The following EEA1 variants were observed in gnomAD, a reference collection of about 807,000 sequenced individuals.
EEA1 encodes early endosome antigen 1, 162kD.
In EEA1, 111 loss-of-function variants were observed where a neutral mutation model predicts 209.2. That is an observed-to-expected ratio of 0.53 (90% CI 0.45 to 0.62). The LOEUF (loss-of-function observed/expected upper bound fraction) is 0.62. Among genes scored for constraint, EEA1 ranks in the 20% least tolerant of loss-of-function variants. EEA1 has a pLI of 0.00. For synonymous variants in EEA1, 536 were observed against 540.6 expected (o/e 0.99, Z 0.12); for missense variants, 1,343 against 1,530.8 (o/e 0.88, Z 2.05).
At chr12:92,800,067 C>T (rs944873766) in intron 20 of EEA1, among the ~76,000 whole-genome samples, 1 of 150,714 alleles carries the variant, frequency 6.6e-6, no homozygotes, top group South Asian at 2.1e-4. Flanking sequence ...ACTAAAAATA[C>T]AAAAATTAGC....
At chr12:92,839,784 T>A (rs898179725) in intron 10 of EEA1, among the ~76,000 whole-genome samples, 1 of 152,234 alleles carries the variant, frequency 6.6e-6, no homozygotes, top group Non-Finnish European at 1.5e-5. Flanking sequence ...TTGGAGTCCT[T>A]AATCATTTTG....
intron 11 of EEA1, among the ~76,000 whole-genome samples, chr12:92,828,934 C>T (rs1876465691): frequency 6.6e-6 from 1 of 152,106 alleles, no homozygotes; most frequent in Non-Finnish European, 1.5e-5. Flanking sequence ...TTAAAAATTA[C>T]AACAGCTGAA....
chr12:92,876,234 G>C (rs1878876456), intron 2 of EEA1, among the ~76,000 whole-genome samples: 1 of 151,722 alleles, frequency 6.6e-6, no homozygotes, highest in Non-Finnish European at 1.5e-5. Context: ...CACCACTCCT[G>C]GCTAATTTTC....
At chr12:92,782,640 G>C (rs1224216996) in intron 22 of EEA1, among the ~76,000 whole-genome samples, 1 of 152,222 alleles carries the variant, frequency 6.6e-6, no homozygotes, top group Non-Finnish European at 1.5e-5. Flanking sequence ...ATAGTATGGT[G>C]TTATGATATA....
chr12:92,832,019 G>A lies in EEA1; in HGVS notation c.1254+493C>T, dbSNP rs1432479540. On this transcript the variant is annotated intron_variant, in intron 11 of 28. Coordinates refer to ENST00000322349, the MANE Select transcript of EEA1 (RefSeq NM_003566.4). ...GGAGAATGGCGTGAACCCGGGAAGC[G>A]GAGCTTGCAGTGAGCCGAGATTGCG... 1.1e-4 allele frequency among the ~76,000 whole-genome samples: 17 copies of A among 151,032 alleles called. No homozygotes were observed. In the South Asian group the frequency reaches 1.9e-3, roughly 17 times the overall value.
intron 2 of EEA1, among the ~76,000 whole-genome samples, chr12:92,882,421 T>C (rs10745624): frequency 0.46 from 69,804 of 151,344 alleles, 17,287 homozygotes; most frequent in East Asian, 0.89. Flanking sequence ...TTTTTTTTTT[T>C]CCACTTTTAT....
At chr12:92,871,255 C>A (rs1338174880) in intron 2 of EEA1, among the ~76,000 whole-genome samples, 1 of 152,168 alleles carries the variant, frequency 6.6e-6, no homozygotes, top group East Asian at 1.9e-4. Context: ...CCAAGAGCCT[C>A]TTTTCCTTAT....
Position 92,830,146 on chromosome 12 carries a change from A to G in EEA1, c.1255-2085T>C, listed in dbSNP as rs571257575. Among the ~76,000 whole-genome samples, 257 of 152,172 alleles carry G rather than the reference A, an allele frequency of 1.7e-3. 2 individuals are homozygous for G. The highest frequency in any genetic ancestry group is 1.9e-3 in the Non-Finnish European group (131 of 68,006). On this transcript the variant is annotated intron_variant, in intron 11 of 28. Coordinates refer to ENST00000322349, the MANE Select transcript of EEA1 (RefSeq NM_003566.4). ...AAGAAATCTGCACTTTTACCCCCTAAATATATTTTTTAAATTTTTTCAAAT... is the reference window on the plus strand; with the variant it reads ...AAGAAATCTGCACTTTTACCCCCTAGATATATTTTTTAAATTTTTTCAAAT...
At chr12:92,821,324 C>T (rs1422364796) in intron 13 of EEA1, among the ~76,000 whole-genome samples, 1 of 152,148 alleles carries the variant, frequency 6.6e-6, no homozygotes, top group Non-Finnish European at 1.5e-5. Context: ...TTCTGTTATT[C>T]AATGTCAGAG....
chr12:92,807,117 C>A (rs1024089721), intron 18 of EEA1, among the ~76,000 whole-genome samples: 1 of 151,948 alleles, frequency 6.6e-6, no homozygotes, highest in Non-Finnish European at 1.5e-5. Flanking sequence ...CCATCCCCTG[C>A]TGATTTTTGT....
intron 1 of EEA1, among the ~76,000 whole-genome samples, chr12:92,914,451 T>C (rs1880689793): frequency 1.3e-5 from 2 of 152,140 alleles, no homozygotes; most frequent in South Asian, 4.1e-4. Flanking sequence ...GCTTTGGTTA[T>C]TCGCTCTCTT....
intron 2 of EEA1, chr12:92,884,043 C>T: frequency 4.4e-6 from 6 of 1,371,772 alleles, no homozygotes; most frequent in Middle Eastern, 4.8e-4. Flanking sequence ...AGAGAGCTGT[C>T]TCAAGAGAAG....
chr12:92,784,174 C>T (rs1359980809), intron 22 of EEA1, among the ~76,000 whole-genome samples: 1 of 152,126 alleles, frequency 6.6e-6, no homozygotes, highest in Admixed American at 6.5e-5. Flanking sequence ...CAGGAGGGTA[C>T]AAGCTGGTCT....
At chr12:92,919,614 T>C (rs1361850855) in intron 1 of EEA1, among the ~76,000 whole-genome samples, 3 of 150,048 alleles carry the variant, frequency 2.0e-5, no homozygotes, top group East Asian at 2.0e-4. Context: ...ATAAGAGCTA[T>C]ATATGACAAA....
intron 10 of EEA1, chr12:92,835,369 T>G (rs998177528): frequency 1.8e-5 from 6 of 326,578 alleles, no homozygotes; most frequent in African/African-American, 1.1e-4. Context: ...AATCCCACCT[T>G]TCTATATACA....
intron 3 of EEA1, among the ~76,000 whole-genome samples, 193 bp from the exon 4 acceptor site, chr12:92,857,678 T>C (rs961078668): frequency 6.6e-6 from 1 of 152,228 alleles, no homozygotes; most frequent in Admixed American, 6.5e-5. Context: ...TAAAGCTTAC[T>C]GTTTATAAAT....
intron 17 of EEA1, among the ~76,000 whole-genome samples, chr12:92,810,662 T>TA (rs1875446503): frequency 6.6e-6 from 1 of 152,036 alleles, no homozygotes; most frequent in Non-Finnish European, 1.5e-5. Flanking sequence ...AAAATTTTTT[T>TA]TTTTTTTATT....
Position 92,842,567 on chromosome 12 carries a change from C to T in EEA1, c.813G>A (p.Gln271=), listed in dbSNP as rs772215095. Residue 271 remains glutamine, a synonymous_variant, in exon 10 of 29, where the codon CAG becomes CAA. Coordinates refer to ENST00000322349, the MANE Select transcript of EEA1 (RefSeq NM_003566.4). ...GGCCTTTGGCAAGTTCACTCCTTAGCTGGCTTATTGTGGCCTAACAAAACA... is the reference window on the plus strand; with the variant it reads ...GGCCTTTGGCAAGTTCACTCCTTAGTTGGCTTATTGTGGCCTAACAAAACA... ...QYASSEATIS[Q]LRSELAKGPQ... The T allele has an allele frequency of 6.9e-6, 11 of 1,598,882 alleles. No individual in the cohort carries two copies. The highest frequency in any genetic ancestry group is 9.4e-6 in the Non-Finnish European group (11 of 1,172,132).
intron 11 of EEA1, among the ~76,000 whole-genome samples, chr12:92,831,947 C>G (rs1326738737): frequency 6.6e-6 from 1 of 150,402 alleles, no homozygotes; most frequent in Admixed American, 6.6e-5. Context: ...ATTAGCCGGG[C>G]GCGGTGGCGG....
Sources: gnomAD v4.1 joint callset for allele counts (sites outside exome capture counted in the v4.1 genomes callset) on GRCh38, gnomAD v4.1.1 for gene constraint, MANE v1.5 for transcripts, NCBI Gene and HGNC (gene_info 2026-07-23, HGNC 2026-07-21) for gene names.